EMID1: variants seen among roughly 807,000 people sequenced by gnomAD.
EMID1 encodes the protein EMI domain containing 1.
A neutral mutation model predicts 60.6 loss-of-function variants in EMID1; 40 were observed. The ratio of observed to expected loss-of-function variants is 0.66; its 90% confidence interval spans 0.51 to 0.86. EMID1 has a LOEUF of 0.86. EMID1 is among the 40% of genes least tolerant of loss of function. EMID1 has a pLI of 0.00. For missense variants in EMID1, 585 were observed against 597.1 expected (o/e 0.98, Z 0.21); for synonymous variants, 242 against 231.0 (o/e 1.05, Z -0.43).
intron 13 of EMID1, among the ~76,000 whole-genome samples, chr22:29,246,066 A>G (rs1031817387): frequency 6.6e-6 from 1 of 152,178 alleles, no homozygotes; most frequent in Non-Finnish European, 1.5e-5. Flanking sequence ...AACACTTTAC[A>G]CTTTAGCATC....
intron 1 of EMID1, among the ~76,000 whole-genome samples, chr22:29,206,982 G>A (rs132368): frequency 0.53 from 81,364 of 152,162 alleles, 26,307 homozygotes; most frequent in East Asian, 0.7. Flanking sequence ...CAGCCCCAGC[G>A]AGGGTCCCCT....
At chr22:29,235,348 CAAAAA>C (rs3066718) in intron 12 of EMID1, among the ~76,000 whole-genome samples, 1 of 113,366 alleles carries the variant, frequency 8.8e-6, no homozygotes. Flanking sequence ...GACTTCATCT[CAAAAA>C]AAAAAAAAAA....
In EMID1 at chr22:29,231,088, G is replaced by T. The variant is rs376315194; in HGVS notation, c.534G>T (p.Pro178=). 30 of 1,613,108 alleles carry T rather than the reference G, an allele frequency of 1.9e-5. No homozygotes were observed. The highest frequency in any genetic ancestry group is 2.5e-5 in the Non-Finnish European group (29 of 1,179,584). ...CAGCTACCCCTGAGGACCCTGCCCCGCTCTGGGGTCCCCCTCCTGCCCAGG... is the reference window on the plus strand; with the variant it reads ...CAGCTACCCCTGAGGACCCTGCCCCTCTCTGGGGTCCCCCTCCTGCCCAGG... The part of the protein sequence containing the change: ...PTPATPEDPA[P]LWGPPPAQGS... The change falls in exon 6 of 15, where the codon CCG becomes CCT. Residue 178 remains proline, a synonymous_variant. Coordinates refer to ENST00000334018, the MANE Select transcript of EMID1 (RefSeq NM_133455.4).
chr22:29,229,630 C>A (rs914880700), intron 5 of EMID1, among the ~76,000 whole-genome samples: 2 of 116,690 alleles, frequency 1.7e-5, no homozygotes, highest in Non-Finnish European at 3.6e-5. Context: ...GCAACAAGAG[C>A]AAAACTCCAC....
intron 1 of EMID1, among the ~76,000 whole-genome samples, chr22:29,214,077 C>T (rs987691847): frequency 6.6e-6 from 1 of 152,136 alleles, no homozygotes; most frequent in African/African-American, 2.4e-5. Context: ...CAGTGCACTC[C>T]GATTATTAGT....
Position 29,226,550 on chromosome 22 carries a change from A to G in EMID1, c.464A>G (p.Lys155Arg). ...LTERLKVLEA[K>R]MTMLTVIEQP... The stretch of plus-strand genomic sequence containing the variant: ...GAGCGGCTGAAGGTGCTGGAGGCCA[A>G]GGTGGGTGAGCAGCTCCCTCCTGGG... The change falls in exon 5 of 15, where the codon AAG becomes AGG. Residue 155 changes from lysine (K) to arginine (R), a missense_variant and splice_region_variant. Transcript: ENST00000334018. 2 of 1,611,714 alleles carry G rather than the reference A, an allele frequency of 1.2e-6. No homozygotes were observed. Among genetic ancestry groups the G allele is most frequent in the Non-Finnish European group, 1.7e-6 (2 of 1,179,104 alleles).
chr22:29,206,374 GGAGGGGGAAGGGGCGCAAC>G (rs1255008057), intron 1 of EMID1, among the ~76,000 whole-genome samples: 1 of 152,212 alleles, frequency 6.6e-6, no homozygotes, highest in Non-Finnish European at 1.5e-5. Context: ...GAGCTCGAGA[GGAGGGGGAAGGGGCGCAAC>G]GAGGGCGAAG....
At chr22:29,225,014 G>C in intron 3 of EMID1, 119 bp from the exon 4 acceptor site, 1 of 982,364 alleles carries the variant, frequency 1.0e-6, no homozygotes, top group African/African-American at 1.7e-5. Flanking sequence ...CTCTCCTCTG[G>C]GCCTCTGTGT....
At chr22:29,238,903 G>A (rs1400518235) in intron 12 of EMID1, among the ~76,000 whole-genome samples, 1 of 143,604 alleles carries the variant, frequency 7.0e-6, no homozygotes, top group Non-Finnish European at 1.5e-5. Context: ...GTCATTTCTT[G>A]GCATTTATCC....
At chr22:29,216,065 G>A (rs1220223847) in intron 3 of EMID1, among the ~76,000 whole-genome samples, 3 of 152,092 alleles carry the variant, frequency 2.0e-5, no homozygotes, top group Non-Finnish European at 4.4e-5. Context: ...AAGGGGAGGG[G>A]CACACACCTC....
rs185532571 is a variant in EMID1, at chr22:29,238,396, T to C, written c.1074+4047T>C. 2.9e-3 allele frequency among the ~76,000 whole-genome samples: 401 copies of C among 140,436 alleles called. 73 individuals carry two copies. The highest frequency in any genetic ancestry group is 0.011 in the African/African-American group (368 of 34,986). 92.1% of individuals were successfully genotyped at this position (140,436 alleles called of 152,430 possible). A position where few individuals can be genotyped will look rare whatever the true frequency, so the allele number is the denominator to read the frequency against. On this transcript the variant is annotated intron_variant, in intron 12 of 14. Transcript: ENST00000334018. ...CCACCTCTCGAGTAGCTGGGACTAC[T>C]GTCATGTGCCACACCTGGCTAATTT...
At chr22:29,234,987 A>G (rs997670402) in intron 12 of EMID1, among the ~76,000 whole-genome samples, 10 of 151,956 alleles carry the variant, frequency 6.6e-5, no homozygotes, top group South Asian at 2.1e-4. Context: ...GGAGTTCAAG[A>G]CCAGCTTGGG....
chr22:29,245,767 C>T (rs894454935), intron 13 of EMID1, among the ~76,000 whole-genome samples: 3 of 152,216 alleles, frequency 2.0e-5, no homozygotes, highest in South Asian at 2.1e-4. Context: ...TGTGCTGGGC[C>T]TGCCCACCTG....
In EMID1 at chr22:29,259,030, ATATT is replaced by A. The variant is rs969672134; in HGVS notation, c.*91_*94del. On this transcript the variant is annotated 3_prime_UTR_variant, in exon 15 of 15. Coordinates refer to ENST00000334018, the MANE Select transcript of EMID1 (RefSeq NM_133455.4). ...AGCTGCCTCCAGGGACCGCCCGTCC[ATATT>A]TATTAATGTCCTCAGGGTCCCTTCT... The A allele has an allele frequency of 2.9e-5, 44 of 1,529,784 alleles. No homozygotes were observed. Among genetic ancestry groups the A allele is most frequent in the Non-Finnish European group, 1.8e-5 (20 of 1,140,066 alleles). 94.8% of individuals were successfully genotyped at this position (1,529,784 alleles called of 1,614,324 possible).
In EMID1 at chr22:29,208,084, T is replaced by C. The variant is rs189774785; in HGVS notation, c.101+1945T>C. Among the ~76,000 whole-genome samples the C allele has an allele frequency of 3.3e-5, 5 of 152,322 alleles. No homozygotes were observed. In the East Asian group the frequency reaches 9.6e-4, roughly 29 times the overall value. ...GCCTCACCTGCAGTGGTTCCTGCTA[T>C]CAATCATGTCACATGGGGGTAGGGA... On this transcript the variant is annotated intron_variant, in intron 1 of 14. Coordinates refer to ENST00000334018, the MANE Select transcript of EMID1 (RefSeq NM_133455.4).
Position 29,259,137 on chromosome 22 carries a change from G to A in EMID1, c.*193G>A, listed in dbSNP as rs2058073994. ...TCTGAGGCTGAGCAAGGGCTGAGAG[G>A]AGAGGCTTGGGCCTCAGTTTCCCTC... On this transcript the variant is annotated 3_prime_UTR_variant, in exon 15 of 15. Coordinates refer to ENST00000334018, the MANE Select transcript of EMID1 (RefSeq NM_133455.4). The A allele has an allele frequency of 2.3e-6, 2 of 856,130 alleles. No individual in the cohort carries two copies. The highest frequency in any genetic ancestry group is 3.4e-6 in the Non-Finnish European group (2 of 584,366). The allele number at this position is 856,130 out of a possible 1,614,324, so 53.0% of individuals were successfully genotyped here. A position where few individuals can be genotyped will look rare whatever the true frequency, so the allele number is the denominator to read the frequency against.
At chr22:29,249,937 T>C (rs994825387) in intron 13 of EMID1, among the ~76,000 whole-genome samples, 4 of 152,088 alleles carry the variant, frequency 2.6e-5, no homozygotes, top group African/African-American at 9.7e-5. Flanking sequence ...TTTAAAGCTC[T>C]TTTTTTCCAA....
At chr22:29,225,292 C>T in intron 4 of EMID1, 76 bp downstream of exon 4, 1 of 1,502,614 alleles carries the variant, frequency 6.7e-7, no homozygotes, top group Non-Finnish European at 9.2e-7. Flanking sequence ...AGTTTGGTAA[C>T]TGTCCTAAAA....
intron 14 of EMID1, chr22:29,255,208 G>GGGCCCCC: frequency 1.7e-5 from 14 of 815,164 alleles, no homozygotes; most frequent in East Asian, 3.3e-5. Context: ...TCCCCGCTTG[G>GGGCCCCC]CTCCCCAGCC....
Sources: gnomAD v4.1 joint callset for allele counts (sites outside exome capture counted in the v4.1 genomes callset) on GRCh38, gnomAD v4.1.1 for gene constraint, MANE v1.5 for transcripts, NCBI Gene and HGNC (gene_info 2026-07-23, HGNC 2026-07-21) for gene names.